Variants in VWF observed in about 807,000 individuals in gnomAD.
VWF encodes von Willebrand factor, also known as Factor VIII related antigen.
In VWF, 176 loss-of-function variants were observed where a neutral mutation model predicts 308.6. The observed-to-expected ratio is 0.57, with a 90% CI of 0.50 to 0.65. The LOEUF (loss-of-function observed/expected upper bound fraction) is 0.65. Among genes scored for constraint, VWF ranks in the 30% least tolerant of loss-of-function variants. The pLI, the probability that VWF is intolerant of heterozygous loss-of-function variation, is 0.00. For synonymous variants in VWF, 1,385 were observed against 1,443.4 expected (o/e 0.96, Z 0.92); for missense variants, 3,146 against 3,648.2 (o/e 0.86, Z 3.55).
intron 16 of VWF, among the ~76,000 whole-genome samples, chr12:6,051,989 G>A (rs1186888613): frequency 6.6e-6 from 1 of 152,188 alleles, no homozygotes; most frequent in South Asian, 2.1e-4. Flanking sequence ...CTCAACAAAT[G>A]TCCTGTTGTA....
Position 6,036,509 on chromosome 12 carries a change from A to G in VWF, c.2443-18T>C, listed in dbSNP as rs1944338894. Reference sequence around the variant, plus strand: ...TGCCGGACCTAAGAGAAAAGAATCCAAAAGTCCTCAGGGCCACAGTGACTG... The same window carrying G: ...TGCCGGACCTAAGAGAAAAGAATCCGAAAGTCCTCAGGGCCACAGTGACTG... On this transcript the variant is annotated intron_variant, in intron 18 of 51. Coordinates refer to ENST00000261405, the MANE Select transcript of VWF (RefSeq NM_000552.5). 1.2e-6 allele frequency: 2 copies of G among 1,612,330 alleles called. No individual in the cohort carries two copies.
intron 10 of VWF, among the ~76,000 whole-genome samples, chr12:6,067,554 T>C (rs555970391): frequency 1.3e-5 from 2 of 152,294 alleles, no homozygotes; most frequent in Admixed American, 1.3e-4. Flanking sequence ...TATATGAGCT[T>C]ATCTCCTCGG....
At chr12:5,954,250 G>A (rs959095078) in intron 47 of VWF, among the ~76,000 whole-genome samples, 5 of 152,092 alleles carry the variant, frequency 3.3e-5, no homozygotes, top group South Asian at 4.2e-4. Flanking sequence ...TAAAGCCTAC[G>A]TCTACTCTTG....
At chr12:6,049,411 G>A (rs940332027) in intron 16 of VWF, among the ~76,000 whole-genome samples, 17 of 152,222 alleles carry the variant, frequency 1.1e-4, no homozygotes, top group African/African-American at 3.9e-4. Context: ...TGTTCACCCA[G>A]GGGCCAAGGC....
chr12:6,079,170 G>A (rs1343241180), intron 6 of VWF, among the ~76,000 whole-genome samples: 1 of 152,198 alleles, frequency 6.6e-6, no homozygotes, highest in Non-Finnish European at 1.5e-5. Context: ...CTGAGAGCCA[G>A]GCAGGACTTG....
chr12:6,079,618 A>G (rs1268743284), intron 6 of VWF, among the ~76,000 whole-genome samples: 3 of 151,960 alleles, frequency 2.0e-5, no homozygotes, highest in African/African-American at 7.3e-5. Context: ...TCGAAAAAAA[A>G]AAAAAAATAG....
intron 5 of VWF, among the ~76,000 whole-genome samples, chr12:6,098,478 T>C (rs1323717860): frequency 1.3e-5 from 2 of 152,104 alleles, no homozygotes; most frequent in East Asian, 3.9e-4. Flanking sequence ...CAAAAAAGTA[T>C]AAGAAATTTC....
At position 5,985,586 on chromosome 12, in the gene VWF, G is replaced by C; in HGVS notation, c.6878C>G (p.Thr2293Arg). The C allele has an allele frequency of 6.2e-7, 1 of 1,614,106 alleles. No individual in the cohort carries two copies. Among genetic ancestry groups the C allele is most frequent in the Non-Finnish European group, 8.5e-7 (1 of 1,180,042 alleles). The change falls in exon 39 of 52, where the codon ACG (threonine) becomes AGG (arginine). Residue 2293 changes from threonine to arginine, a missense_variant. Transcript: ENST00000261405. ...ACCTTTGGCCGTGGGGCAGGGCTGC[G>C]TTGTGCAGTTGACCTTCCGCCCGCT... ...CLSGRKVNCTTQPCPTAKAPT... is the reference protein window; with the variant it reads ...CLSGRKVNCTRQPCPTAKAPT...
Position 6,095,516 on chromosome 12 carries a change from C to T in VWF, c.601G>A (p.Glu201Lys). The T allele has an allele frequency of 1.2e-6, 2 of 1,614,138 alleles. No individual in the cohort carries two copies. The highest frequency in any genetic ancestry group is 1.6e-4 in the Middle Eastern group (1 of 6,062). Residue 201 changes from glutamate (E) to lysine (K), a missense_variant, in exon 6 of 52, where the codon GAA becomes AAA. Glu to Lys is a moderately conservative substitution (Grantham distance 56). Around this residue, in one of 3 missense-constraint regions of VWF, gnomAD observed 1,304 missense variants for 1,353.0 expected, o/e 0.96. Transcript: ENST00000261405. ...WALSSGEQWCERASPPSSSCN... is the reference protein window; with the variant it reads ...WALSSGEQWCKRASPPSSSCN... ...GAGCTGCTGGGAGGAGATGCCCGTTCACACCACTGTTCTCCACTGCTCAGA... is the reference window on the plus strand; with the variant it reads ...GAGCTGCTGGGAGGAGATGCCCGTTTACACCACTGTTCTCCACTGCTCAGA...
At chr12:6,092,275 A>T (rs1158663141) in intron 6 of VWF, among the ~76,000 whole-genome samples, 1 of 151,270 alleles carries the variant, frequency 6.6e-6, no homozygotes, top group African/African-American at 2.4e-5. Context: ...CTCGCTAACC[A>T]CCATTAGACT....
intron 5 of VWF, among the ~76,000 whole-genome samples, chr12:6,108,557 C>T (rs1407661963): frequency 6.9e-6 from 1 of 145,540 alleles, no homozygotes; most frequent in Non-Finnish European, 1.5e-5. Flanking sequence ...TCAGAGAATA[C>T]ATTATTTTTG....
chr12:6,086,063 G>A (rs1197705899), intron 6 of VWF, among the ~76,000 whole-genome samples: 1 of 152,112 alleles, frequency 6.6e-6, no homozygotes, highest in Non-Finnish European at 1.5e-5. Context: ...CTGCACTCAG[G>A]TGAGCCAGTC....
chr12:6,083,597 C>T (rs1415715365), intron 6 of VWF, among the ~76,000 whole-genome samples: 3 of 152,136 alleles, frequency 2.0e-5, no homozygotes, highest in South Asian at 2.1e-4. Flanking sequence ...AATTATCTTG[C>T]CTCTCTGCAT....
chr12:5,976,460 G>C (rs1408840565), intron 42 of VWF, among the ~76,000 whole-genome samples, 200 bp from the exon 43 acceptor site: 1 of 152,052 alleles, frequency 6.6e-6, no homozygotes, highest in Non-Finnish European at 1.5e-5. Context: ...CCTTAGAAAA[G>C]CTATGACCAG....
At chr12:5,983,457 T>C (rs1368800898) in intron 40 of VWF, among the ~76,000 whole-genome samples, 8 of 107,334 alleles carry the variant, frequency 7.5e-5, no homozygotes, top group African/African-American at 2.7e-4. Context: ...ATACATGAGA[T>C]AGATTTGATA....
intron 9 of VWF, 115 bp from the exon 10 acceptor site, chr12:6,071,458 G>T: frequency 8.6e-7 from 1 of 1,160,424 alleles, no homozygotes; most frequent in Non-Finnish European, 1.3e-6. Context: ...TGTGGGAAAA[G>T]AAAAGAGCTG....
Position 6,110,405 on chromosome 12 carries a change from G to C in VWF, c.501C>G (p.Ile167Met), listed in dbSNP as rs1456095450. The C allele has an allele frequency of 6.2e-7, 1 of 1,614,066 alleles. No individual in the cohort carries two copies. The highest frequency in any genetic ancestry group is 8.5e-7 in the Non-Finnish European group (1 of 1,180,034). Residue 167 changes from isoleucine (I) to methionine (M), a missense_variant, in exon 5 of 52, where the codon ATC becomes ATG. Ile to Met is a conservative substitution (Grantham distance 10). Coordinates refer to ENST00000261405, the MANE Select transcript of VWF (RefSeq NM_000552.5). ...KTCGLCGNFN[I>M]FAEDDFMTQE... ...GGGTCATAAAGTCATCTTCAGCAAA[G>C]ATGTTAAAGTTGCCACACAGCCCGC...
chr12:5,986,303 C>T (rs1476376860), intron 38 of VWF, among the ~76,000 whole-genome samples: 1 of 152,304 alleles, frequency 6.6e-6, no homozygotes, highest in East Asian at 1.9e-4. Context: ...TGAGCGTACT[C>T]AAGCCTGCCT....
intron 50 of VWF, among the ~76,000 whole-genome samples, 166 bp downstream of exon 50, chr12:5,951,678 C>A (rs1193302902): frequency 1.3e-5 from 2 of 152,192 alleles, no homozygotes; most frequent in Admixed American, 6.5e-5. Context: ...CCCTGCAAGA[C>A]TGAACATAAT....
Sources: allele counts gnomAD v4.1 joint callset (sites outside exome capture counted in the v4.1 genomes callset), GRCh38; gene constraint gnomAD v4.1.1; regional missense constraint gnomAD v4.1.1; transcripts MANE v1.5; gene names NCBI Gene and HGNC (gene_info 2026-07-23, HGNC 2026-07-21).